The following ARHGAP10 variants were observed in gnomAD, a reference collection of about 807,000 sequenced individuals.
ARHGAP10 encodes the protein Rho GTPase activating protein 10.
ARHGAP10 carries 87 observed loss-of-function variants against 108.6 expected under a neutral mutation model. That is an observed-to-expected ratio of 0.80 (90% confidence interval 0.67 to 0.96). The LOEUF is 0.96. ARHGAP10 is among the 40% of genes least tolerant of loss of function. The pLI is 0.00. For missense variants in ARHGAP10, 939 were observed against 954.5 expected (o/e 0.98, Z 0.21); for synonymous variants, 347 against 341.1 (o/e 1.02, Z -0.19).
At chr4:148,067,992 C>A (rs889043541) in intron 22 of ARHGAP10, among the ~76,000 whole-genome samples, 1 of 151,562 alleles carries the variant, frequency 6.6e-6, no homozygotes, top group Non-Finnish European at 1.5e-5. Context: ...CCCCGCCCCC[C>A]ACCCTCGGGA....
intron 18 of ARHGAP10, among the ~76,000 whole-genome samples, chr4:147,984,130 GGGTGTAATTTTGTTT>G (rs1221429021): frequency 6.6e-6 from 1 of 152,120 alleles, no homozygotes; most frequent in Non-Finnish European, 1.5e-5. Flanking sequence ...TTGCTTGTAG[GGGTGTAATTTTGTTT>G]GGTGGTGTTG....
intron 13 of ARHGAP10, among the ~76,000 whole-genome samples, chr4:147,918,954 T>A (rs933124865): frequency 3.9e-5 from 6 of 152,228 alleles, no homozygotes; most frequent in African/African-American, 1.4e-4. Flanking sequence ...TGTAGAAAAC[T>A]AAGAATTAGA....
chr4:148,061,802 G>C (rs1245345125), intron 20 of ARHGAP10, among the ~76,000 whole-genome samples: 1 of 152,178 alleles, frequency 6.6e-6, no homozygotes, highest in Non-Finnish European at 1.5e-5. Context: ...CTGGCTTCGT[G>C]AGATCTGGAA....
chr4:147,982,260 A>C lies in ARHGAP10; in HGVS notation c.1716+15421A>C, dbSNP rs111948960. 7.7e-3 allele frequency among the ~76,000 whole-genome samples: 1,178 copies of C among 152,028 alleles called. 17 individuals carry two copies. Among genetic ancestry groups the C allele is most frequent in the African/African-American group, 0.027 (1,110 of 41,476 alleles). ...ATGATCCTTTTCTGTAGCTACCTTT[A>C]AGATTTTTTCTTTTGCGTTGATCTT... On this transcript the variant is annotated intron_variant, in intron 18 of 22. Coordinates refer to ENST00000336498, the MANE Select transcript of ARHGAP10 (RefSeq NM_024605.4).
chr4:147,860,741 C>G (rs543848848), intron 5 of ARHGAP10, among the ~76,000 whole-genome samples: 1 of 152,290 alleles, frequency 6.6e-6, no homozygotes, highest in Non-Finnish European at 1.5e-5. Context: ...TCCTAAATAA[C>G]TTTATGTGAG....
At chr4:147,780,134 G>T (rs1393926759) in intron 1 of ARHGAP10, among the ~76,000 whole-genome samples, 1 of 152,092 alleles carries the variant, frequency 6.6e-6, no homozygotes, top group Non-Finnish European at 1.5e-5. Context: ...TAGAAAAGTT[G>T]GAACATAATT....
chr4:147,931,304 A>T (rs960498176), intron 13 of ARHGAP10, among the ~76,000 whole-genome samples: 2 of 82,130 alleles, frequency 2.4e-5, no homozygotes, highest in African/African-American at 9.1e-5. Context: ...AATCTAATTT[A>T]TTAAGAGAGA....
At chr4:147,781,681 C>CTTTTTTTT (rs56781517) in intron 1 of ARHGAP10, among the ~76,000 whole-genome samples, 4 of 130,564 alleles carry the variant, frequency 3.1e-5, no homozygotes, top group East Asian at 4.4e-4. Context: ...CTTTTCTTTT[C>CTTTTTTTT]TTTTTTTTTT....
intron 19 of ARHGAP10, among the ~76,000 whole-genome samples, chr4:148,046,316 C>A (rs1387727528): frequency 6.6e-6 from 1 of 152,120 alleles, no homozygotes; most frequent in African/African-American, 2.4e-5. Flanking sequence ...GGCATTACCA[C>A]AAAAGCCTAA....
chr4:147,849,015 C>G (rs1733747687), intron 4 of ARHGAP10, among the ~76,000 whole-genome samples: 1 of 152,178 alleles, frequency 6.6e-6, no homozygotes, highest in African/African-American at 2.4e-5. Flanking sequence ...ATGTTATGTG[C>G]AGTCTTGCTC....
chr4:147,847,569 A>G (rs1245587756), intron 4 of ARHGAP10, among the ~76,000 whole-genome samples: 2 of 152,206 alleles, frequency 1.3e-5, no homozygotes, highest in African/African-American at 4.8e-5. Context: ...GGAGTGTAGC[A>G]TTACAGTAGG....
chr4:147,902,798 C>G (rs1028529869), intron 10 of ARHGAP10, among the ~76,000 whole-genome samples: 233 of 150,940 alleles, frequency 1.5e-3, no homozygotes, highest in African/African-American at 5.4e-3. Flanking sequence ...GTAGGCTGTA[C>G]AGGAACAGGA....
At chr4:147,975,161 G>C (rs1201289641) in intron 18 of ARHGAP10, among the ~76,000 whole-genome samples, 1 of 152,150 alleles carries the variant, frequency 6.6e-6, no homozygotes, top group African/African-American at 2.4e-5. Context: ...TTTGTAATAA[G>C]CATTTTAGCC....
At chr4:147,743,897 C>T (rs1186815519) in intron 1 of ARHGAP10, among the ~76,000 whole-genome samples, 1 of 152,134 alleles carries the variant, frequency 6.6e-6, no homozygotes, top group African/African-American at 2.4e-5. Flanking sequence ...AGTGAACTCT[C>T]TCTGTGTTTG....
At chr4:147,959,524 C>A (rs956452937) in intron 16 of ARHGAP10, among the ~76,000 whole-genome samples, 2 of 152,054 alleles carry the variant, frequency 1.3e-5, no homozygotes, top group Non-Finnish European at 2.9e-5. Flanking sequence ...CCGCTCCCCC[C>A]ACCCCACGAC....
intron 4 of ARHGAP10, among the ~76,000 whole-genome samples, chr4:147,849,840 C>T (rs976251244): frequency 3.3e-5 from 5 of 152,172 alleles, no homozygotes; most frequent in Admixed American, 1.3e-4. Flanking sequence ...TTGGTTTGGA[C>T]GTATCCCTCC....
At chr4:147,842,414 G>C (rs934614389) in intron 3 of ARHGAP10, among the ~76,000 whole-genome samples, 1 of 152,076 alleles carries the variant, frequency 6.6e-6, no homozygotes, top group African/African-American at 2.4e-5. Flanking sequence ...GAGTTTTGGG[G>C]TTCTTATTTT....
At chr4:147,769,978 A>G (rs946894990) in intron 1 of ARHGAP10, among the ~76,000 whole-genome samples, 1 of 152,208 alleles carries the variant, frequency 6.6e-6, no homozygotes, top group African/African-American at 2.4e-5. Flanking sequence ...TATTTTATGC[A>G]CATGTTCCAG....
chr4:147,974,863 A>G (rs1293723887), intron 18 of ARHGAP10, among the ~76,000 whole-genome samples: 2 of 152,194 alleles, frequency 1.3e-5, no homozygotes, highest in African/African-American at 4.8e-5. Flanking sequence ...AGACAAGAGA[A>G]CTTGTGCAGG....
Sources: allele counts gnomAD v4.1 joint callset (sites outside exome capture counted in the v4.1 genomes callset), GRCh38; gene constraint gnomAD v4.1.1; transcripts MANE v1.5; gene names NCBI Gene and HGNC (gene_info 2026-07-23, HGNC 2026-07-21).